The following TNC variants were observed in gnomAD, a reference collection of about 807,000 sequenced individuals.
TNC encodes tenascin.
A neutral mutation model predicts 202.4 loss-of-function variants in TNC; 109 were observed. The observed-to-expected ratio is 0.54, with a 90% CI of 0.46 to 0.63. TNC has a LOEUF of 0.63. Among genes scored for constraint, TNC ranks in the 30% least tolerant of loss-of-function variants. TNC has a pLI of 0.00. For missense variants in TNC, 2,756 were observed against 2,833.3 expected, an observed-to-expected ratio of 0.97 and a Z score of 0.62; for synonymous variants, 1,007 against 1,089.7, an observed-to-expected ratio of 0.92 and a Z score of 1.50.
chr9:115,115,143 T>C (rs1388291102), intron 1 of TNC: 1 of 152,204 alleles, frequency 6.6e-6, no homozygotes, highest in Non-Finnish European at 1.5e-5. Context: ...TCTTAATTTA[T>C]TGTTAGCATT....
chr9:115,031,429 G>A, intron 23 of TNC, 124 bp downstream of exon 23: 1 of 1,102,558 alleles, frequency 9.1e-7, no homozygotes, highest in South Asian at 2.5e-5. Context: ...CCAAGTAGTA[G>A]CAGTGAATCG....
At chr9:115,110,243 C>T (rs1793062922) in intron 1 of TNC, among the ~76,000 whole-genome samples, 2 of 152,166 alleles carry the variant, frequency 1.3e-5, no homozygotes, top group South Asian at 4.1e-4. Context: ...TTGATGTGAA[C>T]AGTATGAATG....
At chr9:115,031,812 G>A in intron 22 of TNC, 127 bp from the exon 23 acceptor site, 1 of 1,161,544 alleles carries the variant, frequency 8.6e-7, no homozygotes, top group Non-Finnish European at 1.2e-6. Context: ...AGAATTCATT[G>A]AGTACCCACT....
chr9:115,087,639 A>G (rs1261866240), intron 2 of TNC, among the ~76,000 whole-genome samples: 1 of 150,738 alleles, frequency 6.6e-6, no homozygotes, highest in African/African-American at 2.4e-5. Context: ...TATGATGATT[A>G]TGAGTCACTG....
chr9:115,058,356 T>G (rs1832288180), intron 14 of TNC, among the ~76,000 whole-genome samples: 1 of 152,214 alleles, frequency 6.6e-6, no homozygotes, highest in African/African-American at 2.4e-5. Flanking sequence ...ATTATGGAAC[T>G]TCCTGCCCAT....
intron 19 of TNC, 106 bp from the exon 20 acceptor site, chr9:115,038,486 T>A: frequency 7.0e-7 from 1 of 1,418,608 alleles, no homozygotes; most frequent in Non-Finnish European, 9.5e-7. Flanking sequence ...TAGGACAGTG[T>A]CAGCTGCATG....
chr9:115,048,473 C>A lies in TNC; in HGVS notation c.4639G>T (p.Val1547Phe), dbSNP rs906022119. The change falls in exon 16 of 28, where the codon GTT becomes TTT. Residue 1547 changes from valine to phenylalanine, a missense_variant. Transcript: ENST00000350763. ...ISDINPYGFTVSWMASENAFD... is the reference protein window; with the variant it reads ...ISDINPYGFTFSWMASENAFD... The stretch of plus-strand genomic sequence containing the variant: ...GCATTCTCCGATGCCATCCAGGAAA[C>A]TGTGAACCCGTAGGGATTAATGTCG... The A allele has an allele frequency of 5.0e-6, 8 of 1,613,854 alleles. No individual in the cohort carries two copies. The highest frequency in any genetic ancestry group is 5.9e-6 in the Non-Finnish European group (7 of 1,179,958).
chr9:115,067,346 TTTTG>T (rs140412108), intron 10 of TNC, among the ~76,000 whole-genome samples: 22,951 of 152,180 alleles, frequency 0.15, 2,120 homozygotes, highest in African/African-American at 0.26. Context: ...ACTTTCCTGT[TTTTG>T]TTTCTCTGCT....
chr9:115,053,925 G>A (rs1048097547), intron 15 of TNC, among the ~76,000 whole-genome samples: 1 of 152,182 alleles, frequency 6.6e-6, no homozygotes, highest in South Asian at 2.1e-4. Context: ...CTGAGGTTAA[G>A]TATCTCTTTT....
At chr9:115,053,719 A>G (rs542292700) in intron 15 of TNC, among the ~76,000 whole-genome samples, 7 of 152,240 alleles carry the variant, frequency 4.6e-5, no homozygotes, top group Non-Finnish European at 8.8e-5. Context: ...ATACCCATAC[A>G]AGAGAAATTT....
rs373078587 is a variant in TNC at position 115,076,459 on chromosome 9, A to T, written c.2791T>A (p.Ser931Thr). 7 of 1,614,120 alleles carry T rather than the reference A, an allele frequency of 4.3e-6. No individual in the cohort carries two copies. The highest frequency in any genetic ancestry group is 1.7e-5 in the Admixed American group (1 of 60,016). ...DSYRIKYAPI[S>T]GGDHAEVDVP... ...TCAACCTCAGCGTGGTCCCCTCCAG[A>T]GATGGGGGCATACTTAATTCTGTAA... is the stretch of plus-strand genomic sequence containing the variant. Residue 931 changes from serine (S) to threonine (T), a missense_variant, in exon 8 of 28, where the codon TCT becomes ACT. Around this residue, in one of 2 missense-constraint regions of TNC, gnomAD observed 2,559 missense variants for 2,546.0 expected, o/e 1.01. Transcript: ENST00000350763.
chr9:115,073,258 A>G (rs1443892407), intron 10 of TNC, among the ~76,000 whole-genome samples: 1 of 152,256 alleles, frequency 6.6e-6, no homozygotes, highest in African/African-American at 2.4e-5. Context: ...AGGCTAAAAG[A>G]AGGAAATAAA....
chr9:115,045,928 C>T (rs1831156724), intron 17 of TNC, among the ~76,000 whole-genome samples: 2 of 152,198 alleles, frequency 1.3e-5, no homozygotes, highest in South Asian at 4.1e-4. Context: ...AGACGTGCTG[C>T]TTCTCCATTA....
At chr9:115,063,694 A>G (rs1008759488) in intron 12 of TNC, 102 bp downstream of exon 12, 152 of 1,258,524 alleles carry the variant, frequency 1.2e-4, no homozygotes, top group Non-Finnish European at 1.6e-4. Flanking sequence ...TATTTCCCCA[A>G]TGTGGTAGGA....
chr9:115,052,992 G>A (rs1318393050), intron 15 of TNC: 2 of 701,396 alleles, frequency 2.9e-6, no homozygotes, highest in Non-Finnish European at 5.2e-6. Flanking sequence ...CTAAAGATTA[G>A]CGTGCCCAAC....
At chr9:115,107,035 T>C (rs1204682950) in intron 1 of TNC, among the ~76,000 whole-genome samples, 2 of 152,106 alleles carry the variant, frequency 1.3e-5, no homozygotes, top group Admixed American at 1.3e-4. Context: ...CTTTTAGGTA[T>C]AGAGTTTGGC....
intron 1 of TNC, among the ~76,000 whole-genome samples, chr9:115,106,088 G>A (rs1162253306): frequency 3.9e-5 from 6 of 152,096 alleles, no homozygotes; most frequent in Admixed American, 2.0e-4. Context: ...GACCTCTCTG[G>A]GATAAAATGT....
At chr9:115,027,363 G>A (rs1434262616) in intron 25 of TNC, among the ~76,000 whole-genome samples, 1 of 151,952 alleles carries the variant, frequency 6.6e-6, no homozygotes, top group Non-Finnish European at 1.5e-5. Flanking sequence ...GCCAAGGTGG[G>A]CGGATCATCT....
At chr9:115,076,960 C>A (rs1020101966) in intron 7 of TNC, among the ~76,000 whole-genome samples, 1 of 152,162 alleles carries the variant, frequency 6.6e-6, no homozygotes, top group Non-Finnish European at 1.5e-5. Flanking sequence ...TGTGTTGGTG[C>A]GATCTCGGCT....
Sources: allele counts gnomAD v4.1 joint callset (sites outside exome capture counted in the v4.1 genomes callset), GRCh38; gene constraint gnomAD v4.1.1; regional missense constraint gnomAD v4.1.1; transcripts MANE v1.5; gene names NCBI Gene and HGNC (gene_info 2026-07-23, HGNC 2026-07-21).